The following RNLS variants were observed in gnomAD, a reference collection of about 807,000 sequenced individuals.
RNLS encodes the protein renalase.
A neutral mutation model predicts 39.8 loss-of-function variants in RNLS; 39 were observed. That is an observed-to-expected ratio of 0.98 (90% CI 0.76 to 1.28). The LOEUF (loss-of-function observed/expected upper bound fraction) is 1.28. Among genes scored for constraint, RNLS ranks in the 50% most tolerant of loss-of-function variants. RNLS has a pLI of 0.00. For missense variants in RNLS, 410 were observed against 413.3 expected (o/e 0.99, Z 0.07); for synonymous variants, 147 against 150.7 (o/e 0.98, Z 0.18).
chr10:88,327,018 G>C (rs1023307077), intron 5 of RNLS, among the ~76,000 whole-genome samples: 1 of 152,146 alleles, frequency 6.6e-6, no homozygotes, highest in Admixed American at 6.5e-5. Flanking sequence ...CTCCCATTTG[G>C]AATGGGAGCA....
intron 4 of RNLS, among the ~76,000 whole-genome samples, chr10:88,465,753 A>G (rs950697211): frequency 6.6e-6 from 1 of 152,036 alleles, no homozygotes; most frequent in Non-Finnish European, 1.5e-5. Context: ...ATTTATTTCT[A>G]CTATTAGTAG....
chr10:88,352,794 C>T (rs1848824099), intron 5 of RNLS, among the ~76,000 whole-genome samples: 1 of 152,178 alleles, frequency 6.6e-6, no homozygotes, highest in South Asian at 2.1e-4. Context: ...CCTCCTTGTA[C>T]CTCTGGTGGA....
rs57537750 is a variant in RNLS at position 88,358,089 on chromosome 10, C to T, written c.700+4463G>A. Among the ~76,000 whole-genome samples the T allele has an allele frequency of 2.9e-3, 435 of 152,298 alleles. 2 individuals carry two copies. The highest frequency in any genetic ancestry group is 9.8e-3 in the African/African-American group (408 of 41,548). Reference sequence around the variant, plus strand: ...TCAGAACCAGAATCTGAATGTAGGTCTTGTGAGTCCAAATACTTCCCACTA... The same window carrying T: ...TCAGAACCAGAATCTGAATGTAGGTTTTGTGAGTCCAAATACTTCCCACTA... On this transcript the variant is annotated intron_variant, in intron 5 of 6. Coordinates refer to ENST00000331772, the MANE Select transcript of RNLS (RefSeq NM_001031709.3).
At chr10:88,361,353 A>G (rs796781729) in intron 5 of RNLS, among the ~76,000 whole-genome samples, 8 of 152,344 alleles carry the variant, frequency 5.3e-5, no homozygotes, top group African/African-American at 1.9e-4. Flanking sequence ...AAACAAGTTT[A>G]AATTTTTTTT....
intron 4 of RNLS, among the ~76,000 whole-genome samples, chr10:88,536,293 C>T (rs1259270325): frequency 6.6e-6 from 1 of 152,188 alleles, no homozygotes; most frequent in Admixed American, 6.5e-5. Flanking sequence ...ACTGAGACTA[C>T]CTTAAAAAAC....
chr10:88,205,415 A>G, the RNLS span, among the ~76,000 whole-genome samples: 1 of 152,124 alleles, frequency 6.6e-6, no homozygotes, highest in Admixed American at 6.6e-5. Context: ...AAGATAATCA[A>G]CAGACCCCAT....
chr10:88,381,447 G>A (rs903085872), intron 4 of RNLS, among the ~76,000 whole-genome samples: 2 of 151,776 alleles, frequency 1.3e-5, no homozygotes, highest in Non-Finnish European at 2.9e-5. Flanking sequence ...CTGAAGTATA[G>A]TAAAACTACT....
chr10:88,201,234 C>T, the RNLS span, among the ~76,000 whole-genome samples: 1 of 152,180 alleles, frequency 6.6e-6, no homozygotes, highest in Admixed American at 6.5e-5. Context: ...TCTATTTAAA[C>T]ACTGACTATG....
chr10:88,438,675 G>A (rs1312003537), intron 4 of RNLS, among the ~76,000 whole-genome samples: 1 of 152,126 alleles, frequency 6.6e-6, no homozygotes, highest in Non-Finnish European at 1.5e-5. Context: ...TTCACCCCTT[G>A]CCTTTAAACA....
chr10:88,441,465 C>T (rs1176295540), intron 4 of RNLS, among the ~76,000 whole-genome samples: 1 of 152,210 alleles, frequency 6.6e-6, no homozygotes, highest in Non-Finnish European at 1.5e-5. Flanking sequence ...AGGCACATTA[C>T]TTATGAGTCT....
At chr10:88,353,749 C>T (rs181185318) in intron 5 of RNLS, among the ~76,000 whole-genome samples, 1 of 152,246 alleles carries the variant, frequency 6.6e-6, no homozygotes, top group Non-Finnish European at 1.5e-5. Context: ...GATCTGAATT[C>T]AATTCCTGGA....
chr10:88,540,965 G>A (rs1033622684), intron 4 of RNLS, among the ~76,000 whole-genome samples: 2 of 146,670 alleles, frequency 1.4e-5, no homozygotes, highest in African/African-American at 2.6e-5. Context: ...TTATATTATG[G>A]TCATCATAAG....
chr10:88,547,202 T>C (rs940006485), intron 4 of RNLS, among the ~76,000 whole-genome samples: 49 of 152,342 alleles, frequency 3.2e-4, no homozygotes, highest in African/African-American at 1.2e-3. Flanking sequence ...TTTTAAGTTA[T>C]TTTCCCTCTT....
chr10:88,236,517 G>A, the RNLS span, among the ~76,000 whole-genome samples: 4 of 152,166 alleles, frequency 2.6e-5, no homozygotes, highest in Non-Finnish European at 5.9e-5. Context: ...TAATGAGGAG[G>A]GTGGTACCAA....
At chr10:88,497,406 A>G (rs1185429729) in intron 4 of RNLS, among the ~76,000 whole-genome samples, 1 of 152,076 alleles carries the variant, frequency 6.6e-6, no homozygotes, top group Non-Finnish European at 1.5e-5. Flanking sequence ...TTTGGTTAGT[A>G]GGTTGATCCA....
intron 6 of RNLS, among the ~76,000 whole-genome samples, chr10:88,300,978 T>C (rs544132016): frequency 1.3e-5 from 2 of 152,328 alleles, no homozygotes; most frequent in East Asian, 3.9e-4. Context: ...ATTTTAAGTA[T>C]TAATGCTGGG....
chr10:88,513,537 T>G (rs1021456659), intron 4 of RNLS, among the ~76,000 whole-genome samples: 2 of 152,152 alleles, frequency 1.3e-5, no homozygotes, highest in Non-Finnish European at 2.9e-5. Flanking sequence ...CATCCCTTCA[T>G]CACTCTATGA....
chr10:88,229,866 TA>T, the RNLS span, among the ~76,000 whole-genome samples: 1 of 152,234 alleles, frequency 6.6e-6, no homozygotes, highest in African/African-American at 2.4e-5. Context: ...TATTGCTGAA[TA>T]ATATTCCATT....
intron 4 of RNLS, among the ~76,000 whole-genome samples, chr10:88,436,181 A>G (rs900140930): frequency 1.1e-4 from 17 of 152,184 alleles, no homozygotes; most frequent in Admixed American, 1.1e-3. Context: ...AGAGAGGGTC[A>G]GCCACTGGGT....
Sources: allele counts gnomAD v4.1 joint callset (sites outside exome capture counted in the v4.1 genomes callset), GRCh38; gene constraint gnomAD v4.1.1; transcripts MANE v1.5; gene names NCBI Gene and HGNC (gene_info 2026-07-23, HGNC 2026-07-21).